CDC14B: variants seen among roughly 807,000 people sequenced by gnomAD.
The protein encoded by CDC14B is cell division cycle 14B, also known as dual specificity protein phosphatase CDC14B.
A neutral mutation model predicts 64.2 loss-of-function variants in CDC14B; 22 were observed. The observed-to-expected ratio is 0.34, with a 90% CI of 0.24 to 0.49. The LOEUF (loss-of-function observed/expected upper bound fraction) is 0.49, where lower values mean the gene tolerates loss of function less well. CDC14B is among the 20% of genes least tolerant of loss of function. CDC14B has a pLI of 0.99. For synonymous variants in CDC14B, 191 were observed against 215.8 expected (o/e 0.89, Z 1.01); for missense variants, 498 against 629.9 (o/e 0.79, Z 2.24).
chr9:96,550,339 C>T (rs1351987582), intron 5 of CDC14B, among the ~76,000 whole-genome samples: 2 of 152,162 alleles, frequency 1.3e-5, no homozygotes, highest in African/African-American at 4.8e-5. Context: ...TTTCATGCAG[C>T]GTATTACTGA....
intron 5 of CDC14B, among the ~76,000 whole-genome samples, chr9:96,549,353 C>T (rs551758536): frequency 6.6e-6 from 1 of 152,254 alleles, no homozygotes; most frequent in Admixed American, 6.5e-5. Context: ...TTTATCTCAA[C>T]ACAGGCTGGT....
chr9:96,573,923 G>A (rs16911307), intron 1 of CDC14B, among the ~76,000 whole-genome samples: 1,556 of 152,172 alleles, frequency 0.01, 10 homozygotes, highest in Middle Eastern at 0.014. Context: ...CGAGGTGGGC[G>A]GATCACGAGG....
chr9:96,544,660 A>C (rs1288378143), intron 5 of CDC14B, among the ~76,000 whole-genome samples: 2 of 151,948 alleles, frequency 1.3e-5, no homozygotes, highest in African/African-American at 4.8e-5. Flanking sequence ...AGGCCTGGCT[A>C]AGTTTTCGTA....
chr9:96,523,477 T>A, intron 10 of CDC14B, 57 bp from the exon 11 acceptor site: 1 of 1,602,246 alleles, frequency 6.2e-7, no homozygotes, highest in Non-Finnish European at 8.5e-7. Context: ...ATGAACAACT[T>A]CTTCCTACCA....
chr9:96,612,106 ACT>A (rs1464315257), intron 1 of CDC14B, among the ~76,000 whole-genome samples: 2 of 152,166 alleles, frequency 1.3e-5, no homozygotes, highest in Non-Finnish European at 2.9e-5. Flanking sequence ...CTAAAGAGAA[ACT>A]CTAACATTTA....
chr9:96,565,608 A>G (rs914091413), intron 1 of CDC14B, 125 bp from the exon 2 acceptor site: 4 of 733,048 alleles, frequency 5.5e-6, no homozygotes, highest in Admixed American at 2.2e-5. Flanking sequence ...AGATGGTAGG[A>G]GTGGTAATGG....
intron 1 of CDC14B, among the ~76,000 whole-genome samples, chr9:96,599,152 G>T (rs1479866684): frequency 6.6e-6 from 1 of 152,118 alleles, no homozygotes; most frequent in Non-Finnish European, 1.5e-5. Context: ...GGCCAAGGTG[G>T]GCGGATCACC....
downstream of CDC14B, among the ~76,000 whole-genome samples, chr9:96,498,121 C>T (rs970439182): frequency 2.6e-5 from 4 of 152,198 alleles, no homozygotes; most frequent in African/African-American, 4.8e-5. Context: ...GGGCGTGCTA[C>T]AGAGGAGCTA....
Position 96,580,389 on chromosome 9 carries a change from G to A in CDC14B, c.161-14906C>T, listed in dbSNP as rs1372514111. Among the ~76,000 whole-genome samples, 3 of 152,044 alleles carry A rather than the reference G, an allele frequency of 2.0e-5. 1 individual carries two copies. The highest frequency in any genetic ancestry group is 4.2e-4 in the South Asian group (2 of 4,810). On this transcript the variant is annotated intron_variant, in intron 1 of 13. Transcript: ENST00000375241. The stretch of plus-strand genomic sequence containing the variant: ...TGGGATTACAAGCATGCACCACCAC[G>A]CCCGGCTAATTTTGTGTTTTTAGTA...
At chr9:96,566,636 C>A (rs1460921059) in intron 1 of CDC14B, 2 of 838,578 alleles carry the variant, frequency 2.4e-6, no homozygotes. Context: ...GGACAAGTGC[C>A]GAGGCCACCC....
chr9:96,577,575 C>T (rs1844887267), intron 1 of CDC14B, among the ~76,000 whole-genome samples: 1 of 152,142 alleles, frequency 6.6e-6, no homozygotes, highest in African/African-American at 2.4e-5. Context: ...CTTGTGCTGA[C>T]TGCTTTGTGG....
intron 9 of CDC14B, among the ~76,000 whole-genome samples, chr9:96,527,167 A>G (rs1837686380): frequency 6.6e-6 from 1 of 152,172 alleles, no homozygotes; most frequent in Non-Finnish European, 1.5e-5. Context: ...GCACTTTGGG[A>G]GGCCGAGGCA....
intron 4 of CDC14B, among the ~76,000 whole-genome samples, chr9:96,559,508 C>T (rs7036996): frequency 0.052 from 7,929 of 152,206 alleles, 702 homozygotes; most frequent in African/African-American, 0.18. Context: ...GAGGATTTAA[C>T]GTATTTTAAC....
chr9:96,583,741 C>G (rs983135676), intron 1 of CDC14B, among the ~76,000 whole-genome samples: 3 of 151,088 alleles, frequency 2.0e-5, no homozygotes, highest in Admixed American at 2.0e-4. Flanking sequence ...TTTTTTGAGA[C>G]GGAGTCTCGC....
At chr9:96,616,324 C>CA (rs954565843) in intron 1 of CDC14B, among the ~76,000 whole-genome samples, 6 of 149,088 alleles carry the variant, frequency 4.0e-5, no homozygotes, top group Admixed American at 2.0e-4. Context: ...GACTCCGTCT[C>CA]AAAAAAAAAG....
chr9:96,532,078 T>A (rs1410008030), intron 9 of CDC14B, among the ~76,000 whole-genome samples: 1 of 152,248 alleles, frequency 6.6e-6, no homozygotes, highest in Non-Finnish European at 1.5e-5. Flanking sequence ...TCAGATTTTC[T>A]ATTTGTTTTT....
At chr9:96,509,879 A>G in intron 12 of CDC14B, 90 bp from the exon 13 acceptor site, 1 of 769,760 alleles carries the variant, frequency 1.3e-6, no homozygotes, top group Non-Finnish European at 2.1e-6. Context: ...CTTTAGTGCA[A>G]ATTATCTTGA....
At chr9:96,538,819 A>G in intron 7 of CDC14B, 1 of 318,698 alleles carries the variant, frequency 3.1e-6, no homozygotes, top group Non-Finnish European at 5.8e-6. Flanking sequence ...AATTCTGGAG[A>G]TCTAATGTGT....
Position 96,561,510 on chromosome 9 carries a change from G to A in CDC14B, c.420+1183C>T, listed in dbSNP as rs967603263. Among the ~76,000 whole-genome samples the A allele has an allele frequency of 6.0e-5, 9 of 151,234 alleles. No individual in the cohort carries two copies. The East Asian group carries it at 1.4e-3, about 23-fold the overall frequency. Reference sequence around the variant, plus strand: ...TTTTTCTTTTTTGAGACGGAGTCTCGCTCTGTCGCCCAGGCTGGAGTGCAG... The same window carrying A: ...TTTTTCTTTTTTGAGACGGAGTCTCACTCTGTCGCCCAGGCTGGAGTGCAG... On this transcript the variant is annotated intron_variant, in intron 4 of 13. Coordinates refer to ENST00000375241, the MANE Select transcript of CDC14B (RefSeq NM_033331.4).
Sources: allele counts gnomAD v4.1 joint callset (sites outside exome capture counted in the v4.1 genomes callset), GRCh38; gene constraint gnomAD v4.1.1; transcripts MANE v1.5; gene names NCBI Gene and HGNC (gene_info 2026-07-23, HGNC 2026-07-21).